PARG: variants seen among roughly 807,000 people sequenced by gnomAD.
PARG encodes mitochondrial poly(ADP-ribose) glycohydrolase.
Under a neutral mutation model 113.0 loss-of-function variants are expected in PARG, and 35 were observed. That is an observed-to-expected ratio of 0.31 (90% confidence interval 0.24 to 0.41). PARG has a LOEUF of 0.41. PARG is among the 10% of genes least tolerant of loss of function. The pLI, the probability that PARG is intolerant of heterozygous loss-of-function variation, is 1.00. For synonymous variants in PARG, 330 were observed against 409.9 expected (o/e 0.81, Z 2.36); for missense variants, 797 against 1,169.4 (o/e 0.68, Z 4.64).
intron 2 of PARG, 120 bp from the exon 3 acceptor site, chr10:49,934,283 G>A: frequency 1.6e-6 from 1 of 624,540 alleles, no homozygotes; most frequent in East Asian, 2.7e-5. Context: ...CACACAGCAT[G>A]TCTTCTATGA....
In PARG at chr10:49,862,252, CTTATG is replaced by C. The variant is rs1440811239; in HGVS notation, c.2130-594_2130-590del. Among the ~76,000 whole-genome samples the C allele has an allele frequency of 2.0e-5, 3 of 152,098 alleles. No homozygotes were observed. The East Asian group carries it at 5.8e-4, about 29-fold the overall frequency. Reference sequence around the variant, plus strand: ...TCAACCATGGCCACTGAGGTATTGACTTATGTTATATTAACAACAAATTCCATTGT... The same window carrying C: ...TCAACCATGGCCACTGAGGTATTGACTTATATTAACAACAAATTCCATTGT... On this transcript the variant is annotated intron_variant, in intron 11 of 17. Coordinates refer to ENST00000616448, the MANE Select transcript of PARG (RefSeq NM_003631.5).
intron 4 of PARG, among the ~76,000 whole-genome samples, chr10:49,929,032 G>C (rs1838357528): frequency 1.3e-5 from 2 of 152,174 alleles, no homozygotes; most frequent in African/African-American, 4.8e-5. Context: ...TTTTACAATA[G>C]TCTTGCATTG....
intron 11 of PARG, among the ~76,000 whole-genome samples, chr10:49,864,250 T>A (rs1263681161): frequency 2.0e-5 from 3 of 152,232 alleles, no homozygotes; most frequent in Admixed American, 1.3e-4. Context: ...CGTGTTCTCA[T>A]CTTTTTCTGG....
chr10:49,879,589 C>A (rs1320554198), intron 9 of PARG, 84 bp downstream of exon 9: 1 of 922,286 alleles, frequency 1.1e-6, no homozygotes, highest in Non-Finnish European at 1.7e-6. Context: ...AATGCTTGGC[C>A]TATGGAATTC....
intron 7 of PARG, among the ~76,000 whole-genome samples, chr10:49,911,887 A>G (rs145631546): frequency 4.6e-3 from 695 of 152,338 alleles, no homozygotes; most frequent in East Asian, 0.018. Flanking sequence ...GGAGATAAAT[A>G]TCAACAGCTT....
chr10:49,920,561 CGTATATAT>C (rs1837794444), intron 6 of PARG, among the ~76,000 whole-genome samples: 1 of 111,780 alleles, frequency 8.9e-6, no homozygotes, highest in Non-Finnish European at 1.9e-5. Flanking sequence ...TACATATATA[CGTATATAT>C]ACGTGTATAT....
chr10:49,890,758 AAG>A (rs1217817529), intron 7 of PARG, among the ~76,000 whole-genome samples: 2 of 152,234 alleles, frequency 1.3e-5, no homozygotes, highest in African/African-American at 4.8e-5. Flanking sequence ...CCAAATAGAA[AAG>A]AGATATTTAC....
At position 49,868,666 on chromosome 10, in the gene PARG, T is replaced by C. The variant is rs1185022123; in HGVS notation, c.2068+810A>G. On this transcript the variant is annotated intron_variant, in intron 10 of 17. Coordinates refer to ENST00000616448, the MANE Select transcript of PARG (RefSeq NM_003631.5). ...CCATTTCACTTGACCAGGTTGACCT[T>C]ACCTACTTAGCACAAAGAAACTTTT... Among the ~76,000 whole-genome samples the C allele has an allele frequency of 2.2e-4, 34 of 152,232 alleles. 1 individual carries two copies. Among genetic ancestry groups the C allele is most frequent in the African/African-American group, 8.2e-4 (34 of 41,452 alleles).
chr10:49,887,449 T>C (rs1847550781), intron 7 of PARG, among the ~76,000 whole-genome samples: 1 of 151,388 alleles, frequency 6.6e-6, no homozygotes, highest in East Asian at 1.9e-4. Context: ...TACCCATTTA[T>C]AGTCACACTC....
intron 4 of PARG, among the ~76,000 whole-genome samples, chr10:49,924,140 AT>A (rs1436410356): frequency 2.1e-5 from 3 of 143,978 alleles, no homozygotes; most frequent in Non-Finnish European, 4.5e-5. Context: ...AAGGAGGAGT[AT>A]TAACATTGCT....
At chr10:49,887,935 CTTTT>C (rs1276350522) in intron 7 of PARG, among the ~76,000 whole-genome samples, 1 of 152,040 alleles carries the variant, frequency 6.6e-6, no homozygotes, top group Non-Finnish European at 1.5e-5. Context: ...CATTTTCTTT[CTTTT>C]ATCTGTTTTC....
intron 3 of PARG, among the ~76,000 whole-genome samples, chr10:49,932,958 C>A (rs1339593240): frequency 1.3e-5 from 2 of 152,062 alleles, no homozygotes; most frequent in East Asian, 3.8e-4. Flanking sequence ...ACTCATGAAA[C>A]TAAAAATCTG....
intron 7 of PARG, among the ~76,000 whole-genome samples, chr10:49,904,169 T>C (rs1420956028): frequency 4.6e-5 from 7 of 152,022 alleles, no homozygotes; most frequent in Admixed American, 3.3e-4. Context: ...GATTAACAAG[T>C]TCTGGCTTGA....
chr10:49,937,667 C>T (rs1838821702), intron 1 of PARG, among the ~76,000 whole-genome samples: 1 of 152,156 alleles, frequency 6.6e-6, no homozygotes, highest in African/African-American at 2.4e-5. Context: ...AAAGACTGCA[C>T]ACATCATTTC....
In PARG at chr10:49,933,642, T is replaced by C; in HGVS notation, c.806A>G (p.Glu269Gly). 1 of 1,609,804 alleles carries C rather than the reference T, an allele frequency of 6.2e-7. No individual in the cohort carries two copies. The highest frequency in any genetic ancestry group is 8.5e-7 in the Non-Finnish European group (1 of 1,176,118). ...PESPLSDVGSEDVGTGPKNDN... is the reference protein window; with the variant it reads ...PESPLSDVGSGDVGTGPKNDN... ...ATTTTTTGGCCCAGTACCAACATCCTCAGAGCCAACATCTGACAATGGACT... is the reference window on the plus strand; with the variant it reads ...ATTTTTTGGCCCAGTACCAACATCCCCAGAGCCAACATCTGACAATGGACT... Residue 269 changes from glutamate to glycine, a missense_variant, in exon 3 of 18, where the codon GAG (glutamate) becomes GGG (glycine). By Grantham distance (98) the Glu-to-Gly change is moderately conservative (BLOSUM62 -2). This residue lies in a region of PARG where 284 missense variants were observed against 306.1 expected (regional missense o/e 0.93). Transcript: ENST00000616448.
intron 2 of PARG, among the ~76,000 whole-genome samples, chr10:49,934,615 C>T (rs1265122960): frequency 4.6e-5 from 7 of 152,022 alleles, no homozygotes; most frequent in Admixed American, 6.6e-5. Flanking sequence ...TTTGGGAGGT[C>T]GAGGCAGGCA....
chr10:49,915,789 T>C (rs1392562666), intron 7 of PARG, 128 bp downstream of exon 7: 5 of 614,118 alleles, frequency 8.1e-6, no homozygotes, highest in African/African-American at 1.9e-5. Context: ...AACATACATA[T>C]AAAATAACAG....
In PARG at chr10:49,941,607, T is replaced by C. The variant is rs1397108668; in HGVS notation, c.119A>G (p.Asp40Gly). ...SFPSRQRRVL[D>G]PKDAHVQFRV... is the part of the protein sequence containing the mutation. ...GAACTGCACGTGAGCGTCCTTGGGG[T>C]CGAGGACGCGCCTCTGCCTGCTGGG... The change falls in exon 1 of 18, where the codon GAC (aspartate) becomes GGC (glycine). Residue 40 changes from aspartate to glycine, a missense_variant. This residue lies in a region of PARG where 284 missense variants were observed against 306.1 expected (regional missense o/e 0.93). Coordinates refer to ENST00000616448, the MANE Select transcript of PARG (RefSeq NM_003631.5). The C allele has an allele frequency of 6.3e-7, 1 of 1,580,044 alleles. No homozygotes were observed. Among genetic ancestry groups the C allele is most frequent in the African/African-American group, 1.4e-5 (1 of 73,938 alleles).
At chr10:49,941,401 C>A (rs1452824325) in intron 1 of PARG, 108 bp downstream of exon 1, 3 of 906,574 alleles carry the variant, frequency 3.3e-6, no homozygotes, top group Non-Finnish European at 5.4e-6. Context: ...TCAAGAGTGA[C>A]GATGCACACA....
Sources: gnomAD v4.1 joint callset for allele counts (sites outside exome capture counted in the v4.1 genomes callset) on GRCh38, gnomAD v4.1.1 for gene constraint, gnomAD v4.1.1 regional missense constraint, MANE v1.5 for transcripts, NCBI Gene and HGNC (gene_info 2026-07-23, HGNC 2026-07-21) for gene names.